Variants in SERPINB6 observed in about 807,000 individuals in gnomAD.
The protein encoded by SERPINB6 is serpin family B member 6.
A neutral mutation model predicts 26.1 loss-of-function variants in SERPINB6; 16 were observed. The observed-to-expected ratio is 0.61, with a 90% CI of 0.42 to 0.93. The LOEUF (loss-of-function observed/expected upper bound fraction) is 0.93, where lower values mean the gene tolerates loss of function less well. Among genes scored for constraint, SERPINB6 ranks in the 40% least tolerant of loss-of-function variants. The pLI is 0.00. For missense variants in SERPINB6, 420 were observed against 478.0 expected, an observed-to-expected ratio of 0.88 and a Z score of 1.13; for synonymous variants, 174 against 176.6, an observed-to-expected ratio of 0.99 and a Z score of 0.11.
intron 1 of SERPINB6, chr6:2,961,778 G>A (rs1342066647): frequency 3.1e-6 from 3 of 968,012 alleles, no homozygotes; most frequent in African/African-American, 3.5e-5. Flanking sequence ...AAAAAAGACA[G>A]AGGTTAAGTA....
At chr6:2,966,276 A>G (rs1484355798) in intron 1 of SERPINB6, 2 of 802,938 alleles carry the variant, frequency 2.5e-6, no homozygotes, top group Non-Finnish European at 3.0e-6. Context: ...ATCTGAACTT[A>G]TTAATGAGCT....
Position 2,968,691 on chromosome 6 carries a change from C to G in SERPINB6, c.-11+2842G>C, listed in dbSNP as rs910762517. The G allele has an allele frequency of 2.4e-6, 3 of 1,230,212 alleles. No homozygotes were observed. In the African/African-American group the frequency reaches 4.7e-5, roughly 19 times the overall value. The allele number at this position is 1,230,212 out of a possible 1,614,324, so 76.2% of individuals were successfully genotyped here. A position where few individuals can be genotyped will look rare whatever the true frequency, so the allele number is the denominator to read the frequency against. ...ATTTTATTTAGGTCTCTCTTTTGTA[C>G]CTAGACTTTCCAAACATTCCTAACA... is the stretch of plus-strand genomic sequence containing the variant. On this transcript the variant is annotated intron_variant, in intron 1 of 6. Transcript: ENST00000380539.
chr6:2,948,498 A>T lies in SERPINB6; in HGVS notation c.931T>A (p.Ser311Thr). ...DFSGMSQTDL[S>T]LSKVVHKSFV... The stretch of plus-strand genomic sequence containing the variant: ...GACTTGTGCACGACCTTGGACAGAG[A>T]CAGGTCTGTCTGGGACATTCCAGAG... The change falls in exon 7 of 7, where the codon TCT becomes ACT. Residue 311 changes from serine (S) to threonine (T), a missense_variant. Physicochemically the swap from Ser to Thr is moderately conservative, Grantham distance 58. Coordinates refer to ENST00000380539, the MANE Select transcript of SERPINB6 (RefSeq NM_004568.6). The surrounding 1 kb of genome is among the most constrained non-coding windows in gnomAD (Gnocchi z 5.0). The T allele has an allele frequency of 6.2e-7, 1 of 1,614,112 alleles. No individual in the cohort carries two copies. Among genetic ancestry groups the T allele is most frequent in the Non-Finnish European group, 8.5e-7 (1 of 1,179,980 alleles).
At chr6:2,961,917 G>A in intron 1 of SERPINB6, 1 of 985,032 alleles carries the variant, frequency 1.0e-6, no homozygotes, top group South Asian at 4.7e-5. Context: ...TAGAGACAAG[G>A]TTCTTGCCAC....
chr6:2,963,721 G>A (rs1265811959), intron 1 of SERPINB6: 3 of 152,208 alleles, frequency 2.0e-5, no homozygotes, highest in Non-Finnish European at 4.4e-5. Flanking sequence ...TGCAAACCAG[G>A]GAGGGAAACA....
At chr6:2,952,102 T>G (rs2756072) in intron 5 of SERPINB6, among the ~76,000 whole-genome samples, 92,246 of 152,090 alleles carry the variant, frequency 0.61, 28,932 homozygotes, top group East Asian at 0.8. Context: ...GAACCGGGGT[T>G]TCTGTTATCT....
chr6:2,966,650 T>C (rs905921176), intron 1 of SERPINB6: 1 of 157,766 alleles, frequency 6.3e-6, no homozygotes, highest in Admixed American at 6.5e-5. Context: ...CTTGAAACCA[T>C]ACCCCCAACT....
intron 1 of SERPINB6, chr6:2,971,037 C>T: frequency 2.5e-6 from 3 of 1,196,538 alleles, no homozygotes; most frequent in East Asian, 3.4e-5. Flanking sequence ...TAACACCCGG[C>T]GCCCCAAGAC....
intron 3 of SERPINB6, chr6:2,954,963 G>A (rs1453798605): frequency 2.3e-6 from 1 of 444,008 alleles, no homozygotes; most frequent in African/African-American, 2.0e-5. Flanking sequence ...GCCGAGGCGG[G>A]TGGATCGTGT....
intron 1 of SERPINB6, among the ~76,000 whole-genome samples, chr6:2,962,582 G>C (rs1458191045): frequency 1.3e-5 from 2 of 152,182 alleles, no homozygotes; most frequent in African/African-American, 4.8e-5. Context: ...AGAAGGAAGA[G>C]CAAAAATGTA....
chr6:2,957,960 G>A (rs1206382560), intron 2 of SERPINB6: 1 of 152,244 alleles, frequency 6.6e-6, no homozygotes, highest in African/African-American at 2.4e-5. Flanking sequence ...GGCTGGGCTT[G>A]GGAATTGCCA....
chr6:2,948,307 G>C lies in SERPINB6; in HGVS notation c.1122C>G (p.Ser374=), dbSNP rs768602128. 6.2e-7 allele frequency: 1 copy of C among 1,613,678 alleles called. No individual in the cohort carries two copies. Among genetic ancestry groups the C allele is most frequent in the Non-Finnish European group, 8.5e-7 (1 of 1,179,982 alleles). The change falls in exon 7 of 7, where the codon TCC becomes TCG. Residue 374 remains serine, a synonymous_variant. Transcript: ENST00000380539. This position sits in a 1 kb window ranked among gnomAD's most constrained non-coding sequence, Gnocchi z 5.0. ...TNGILFCGRF[S]SP is the part of the protein sequence containing the mutation. ...CAAGACTGCCCTGTCCTCACGGAGA[G>C]GAAAAGCGGCCGCAGAAGAGAATCC...
chr6:2,954,274 G>A (rs1581242543), intron 4 of SERPINB6, among the ~76,000 whole-genome samples: 1 of 152,182 alleles, frequency 6.6e-6, no homozygotes, highest in African/African-American at 2.4e-5. Flanking sequence ...CTTGTGAAAG[G>A]AAAAACTATA....
In SERPINB6 at chr6:2,959,586, G is replaced by A. The variant is rs1040211018; in HGVS notation, c.-10-244C>T. The A allele has an allele frequency of 4.9e-5, 26 of 528,500 alleles. No individual in the cohort carries two copies. The Admixed American group carries it at 5.9e-4, about 12-fold the overall frequency. 32.7% of individuals were successfully genotyped at this position (528,500 alleles called of 1,614,324 possible). On this transcript the variant is annotated intron_variant, in intron 1 of 6. Transcript: ENST00000380539. ...GTTTTGTGAGGACTCCTCCCTGCAC[G>A]CCTGCCCGCACGTGGAGAAAGTGGG...
At chr6:2,970,988 C>A (rs1772099656) in intron 1 of SERPINB6, 1 of 1,165,494 alleles carries the variant, frequency 8.6e-7, no homozygotes, top group East Asian at 3.5e-5. Context: ...CCGTTTGGCG[C>A]CGAACCCCTC....
intron 4 of SERPINB6, 42 bp downstream of exon 4, chr6:2,954,550 T>C: frequency 7.0e-7 from 1 of 1,433,902 alleles, no homozygotes; most frequent in East Asian, 2.3e-5. Flanking sequence ...ATAAAATGGA[T>C]TAAGAGGTTA....
chr6:2,952,994 A>C, intron 5 of SERPINB6, 50 bp downstream of exon 5: 1 of 1,612,342 alleles, frequency 6.2e-7, no homozygotes, highest in Non-Finnish European at 8.5e-7. Context: ...CCCGAGCCGG[A>C]GACGCTCGTG....
At chr6:2,970,515 C>T in intron 1 of SERPINB6, 2 of 1,169,502 alleles carry the variant, frequency 1.7e-6, no homozygotes, top group Non-Finnish European at 2.1e-6. Flanking sequence ...GGTCACTGAA[C>T]ACATCAGATC....
At position 2,955,613 on chromosome 6, in the gene SERPINB6, G is replaced by A. The variant is rs779335963; in HGVS notation, c.223C>T (p.Leu75Phe). Residue 75 changes from leucine (L) to phenylalanine (F), a missense_variant, in exon 3 of 7, where the codon CTT becomes TTT. Leu to Phe is a conservative substitution (Grantham distance 22). Coordinates refer to ENST00000380539, the MANE Select transcript of SERPINB6 (RefSeq NM_004568.6). ...GGDIHQGFQSLLTEVNKTGTQ... is the reference protein window; with the variant it reads ...GGDIHQGFQSFLTEVNKTGTQ... ...CCAGTCTTGTTCACTTCGGTGAGAAGAGACTGGAAGCCCTGGTGGATGTCT... is the reference window on the plus strand; with the variant it reads ...CCAGTCTTGTTCACTTCGGTGAGAAAAGACTGGAAGCCCTGGTGGATGTCT... 1.9e-6 allele frequency: 3 copies of A among 1,614,220 alleles called. No homozygotes were observed. The highest frequency in any genetic ancestry group is 1.3e-5 in the African/African-American group (1 of 75,066).
Sources: gnomAD v4.1 joint callset for allele counts (sites outside exome capture counted in the v4.1 genomes callset) on GRCh38, gnomAD v4.1.1 for gene constraint, Gnocchi (gnomAD v3.1) non-coding constraint, MANE v1.5 for transcripts, NCBI Gene and HGNC (gene_info 2026-07-23, HGNC 2026-07-21) for gene names.